The following ADARB1 variants were observed in gnomAD, a reference collection of about 807,000 sequenced individuals.
The protein encoded by ADARB1 is adenosine deaminase RNA specific B1.
In ADARB1, 10 loss-of-function variants were observed where a neutral mutation model predicts 52.4. That is an observed-to-expected ratio of 0.19 (90% confidence interval 0.12 to 0.32). The LOEUF (loss-of-function observed/expected upper bound fraction) is 0.32, where lower values mean the gene tolerates loss of function less well. Ranked by LOEUF, ADARB1 falls within the 10% of genes least tolerant of loss-of-function variation. The probability of loss-of-function intolerance (pLI) is 1.00; values close to 1 mark genes in which losing one functional copy is unlikely to be tolerated. For missense variants in ADARB1, 643 were observed against 922.3 expected, an observed-to-expected ratio of 0.70 and a Z score of 3.92; for synonymous variants, 349 against 371.1, an observed-to-expected ratio of 0.94 and a Z score of 0.68.
rs567152515 is a variant in ADARB1, at chr21:45,220,581, G to C, written c.1748-255G>C. Among the ~76,000 whole-genome samples the C allele has an allele frequency of 6.6e-6, 1 of 152,196 alleles. No homozygotes were observed. Among genetic ancestry groups the C allele is most frequent in the African/African-American group, 2.4e-5 (1 of 41,440 alleles). On this transcript the variant is annotated intron_variant, in intron 9 of 10. Transcript: ENST00000348831. This position sits in a 1 kb window ranked among gnomAD's most constrained non-coding sequence, Gnocchi z 6.3. ...GTTTCTGTCAATCTTCTGCCCACCT[G>C]CCCTGTCAGACAAGTGCATACCCGT...
chr21:45,143,664 TG>T (rs2089855122), intron 2 of ADARB1, among the ~76,000 whole-genome samples: 1 of 152,228 alleles, frequency 6.6e-6, no homozygotes, highest in South Asian at 2.1e-4. Flanking sequence ...CTCTGTTAAC[TG>T]TGCTGCTGTC....
chr21:45,139,011 C>T lies in ADARB1; in HGVS notation c.-48+10438C>T, dbSNP rs1018275313. On this transcript the variant is annotated intron_variant, in intron 2 of 10. Transcript: ENST00000348831. Reference sequence around the variant, plus strand: ...TCTTGGCTCACTGCAAGCTCCGCCTCTCGGGTTCAAGCGATTCACCTGCCA... The same window carrying T: ...TCTTGGCTCACTGCAAGCTCCGCCTTTCGGGTTCAAGCGATTCACCTGCCA... Among the ~76,000 whole-genome samples the T allele has an allele frequency of 2.6e-5, 4 of 151,958 alleles. No individual in the cohort carries two copies. The South Asian group carries it at 8.3e-4, about 32-fold the overall frequency.
intron 2 of ADARB1, among the ~76,000 whole-genome samples, chr21:45,138,637 G>T (rs1202524612): frequency 6.6e-6 from 1 of 152,160 alleles, no homozygotes; most frequent in East Asian, 1.9e-4. Flanking sequence ...GTGTTTTGTG[G>T]CCAGCTTTAG....
At chr21:45,136,728 C>G (rs762720254) in intron 2 of ADARB1, among the ~76,000 whole-genome samples, 1 of 152,254 alleles carries the variant, frequency 6.6e-6, no homozygotes, top group East Asian at 1.9e-4. Context: ...CACCCTGCCG[C>G]TCTCCCCCAG....
intron 2 of ADARB1, among the ~76,000 whole-genome samples, chr21:45,165,995 G>GT (rs2146078092): frequency 6.6e-6 from 1 of 152,196 alleles, no homozygotes; most frequent in African/African-American, 2.4e-5. Context: ...GTCTTAAACA[G>GT]TTTTTAATCT....
intron 2 of ADARB1, among the ~76,000 whole-genome samples, chr21:45,170,310 C>CT (rs1373949973): frequency 6.6e-6 from 1 of 152,224 alleles, no homozygotes; most frequent in East Asian, 1.9e-4. Flanking sequence ...ATATAATCAG[C>CT]TGTTCAGGCA....
chr21:45,212,056 TA>T, intron 9 of ADARB1, among the ~76,000 whole-genome samples: 1 of 110,816 alleles, frequency 9.0e-6, no homozygotes, highest in East Asian at 2.6e-4. Context: ...TGGGATCTTA[TA>T]TTTTTTGTTA....
At chr21:45,187,004 C>G (rs1312078756) in intron 8 of ADARB1, among the ~76,000 whole-genome samples, 1 of 152,130 alleles carries the variant, frequency 6.6e-6, no homozygotes, top group African/African-American at 2.4e-5. Context: ...ATCCTTTTGG[C>G]TATCCAGGGT....
chr21:45,153,932 G>A (rs2090431647), intron 2 of ADARB1, among the ~76,000 whole-genome samples: 1 of 152,158 alleles, frequency 6.6e-6, no homozygotes, highest in African/African-American at 2.4e-5. Flanking sequence ...GCAATAGGGA[G>A]TAAAACAAAG....
At position 45,076,661 on chromosome 21, in the gene ADARB1, C is replaced by T. The variant is rs563439516; in HGVS notation, c.-220+1868C>T. The stretch of plus-strand genomic sequence containing the variant: ...TTAGCTATGAAGTGATAACATCATC[C>T]ACAAAAAACATCTTGGCTCAGAGGC... On this transcript the variant is annotated intron_variant, in intron 1 of 10. Transcript: ENST00000348831. 4.6e-5 allele frequency among the ~76,000 whole-genome samples: 7 copies of T among 152,258 alleles called. No individual in the cohort carries two copies. The South Asian group carries it at 1.5e-3, about 32-fold the overall frequency.
At chr21:45,132,677 C>T (rs1404731876) in intron 2 of ADARB1, among the ~76,000 whole-genome samples, 1 of 152,114 alleles carries the variant, frequency 6.6e-6, no homozygotes, top group African/African-American at 2.4e-5. Flanking sequence ...GTTGGTGGCA[C>T]ATTTTTTTTG....
At chr21:45,163,545 C>T (rs959666303) in intron 2 of ADARB1, among the ~76,000 whole-genome samples, 71 of 152,298 alleles carry the variant, frequency 4.7e-4, no homozygotes, top group African/African-American at 1.7e-3. Context: ...CCCACCTCCA[C>T]CCTGCACCAG....
At chr21:45,117,022 T>G (rs1308088801) in intron 1 of ADARB1, 1 of 152,194 alleles carries the variant, frequency 6.6e-6, no homozygotes, top group Non-Finnish European at 1.5e-5. Context: ...CAGATGACAC[T>G]GGCGCATGGA....
At chr21:45,146,451 A>G (rs944591121) in intron 2 of ADARB1, among the ~76,000 whole-genome samples, 3 of 152,214 alleles carry the variant, frequency 2.0e-5, no homozygotes, top group Non-Finnish European at 2.9e-5. Context: ...TTTCAGCCGG[A>G]CCGGGACTCT....
rs569005234 is a variant in ADARB1 at position 45,210,448 on chromosome 21, TAC to T, written c.1747+5714_1747+5715del. ...TGTGCAGATGACTGTAATGCTACAGTACAGTTACCATTACCTATTGTATCAAT... is the reference window on the plus strand; with the variant it reads ...TGTGCAGATGACTGTAATGCTACAGTAGTTACCATTACCTATTGTATCAAT... On this transcript the variant is annotated intron_variant, in intron 9 of 10. Coordinates refer to ENST00000348831, the MANE Select transcript of ADARB1 (RefSeq NM_001112.4). 3.3e-5 allele frequency among the ~76,000 whole-genome samples: 5 copies of T among 152,322 alleles called. No individual in the cohort carries two copies. The East Asian group carries it at 9.6e-4, about 29-fold the overall frequency.
In ADARB1 at chr21:45,183,382, G is replaced by C. The variant is rs1344432003; in HGVS notation, c.1268G>C (p.Arg423Thr). The change falls in exon 7 of 11, where the codon AGA becomes ACA. Residue 423 changes from arginine to threonine, a missense_variant. Arg to Thr is a moderately conservative substitution (Grantham distance 71). Around this residue, in one of 2 missense-constraint regions of ADARB1, gnomAD observed 263 missense variants for 475.8 expected, o/e 0.55. Coordinates refer to ENST00000348831, the MANE Select transcript of ADARB1 (RefSeq NM_001112.4). The stretch of plus-strand genomic sequence containing the variant: ...TTCAGTAACAAAGATGATCAAAAAA[G>C]ATCCATCTTTCAGAAATCAGAGCGA... ...LYLNNKDDQK[R>T]SIFQKSERGG... is the part of the protein sequence containing the mutation. The C allele has an allele frequency of 6.2e-7, 1 of 1,602,666 alleles. No homozygotes were observed. Among genetic ancestry groups the C allele is most frequent in the Non-Finnish European group, 8.5e-7 (1 of 1,176,846 alleles).
At chr21:45,092,929 T>TA (rs1230593595) in intron 1 of ADARB1, among the ~76,000 whole-genome samples, 13 of 152,040 alleles carry the variant, frequency 8.6e-5, no homozygotes, top group Admixed American at 2.0e-4. Flanking sequence ...GCCCAAGTCT[T>TA]AAAGATGTCA....
At chr21:45,134,910 C>G in intron 2 of ADARB1, 1 of 490,172 alleles carries the variant, frequency 2.0e-6, no homozygotes, top group South Asian at 1.5e-5. Context: ...GGGTGAGTCC[C>G]CTGCTGCCTG....
At chr21:45,097,286 G>A (rs1449548694) in intron 1 of ADARB1, among the ~76,000 whole-genome samples, 1 of 152,140 alleles carries the variant, frequency 6.6e-6, no homozygotes, top group African/African-American at 2.4e-5. Flanking sequence ...ATGAGCTTTG[G>A]GGAAGCCTGG....
Sources: gnomAD v4.1 joint callset for allele counts (sites outside exome capture counted in the v4.1 genomes callset) on GRCh38, gnomAD v4.1.1 for gene constraint, gnomAD v4.1.1 regional missense constraint, Gnocchi (gnomAD v3.1) non-coding constraint, MANE v1.5 for transcripts, NCBI Gene and HGNC (gene_info 2026-07-23, HGNC 2026-07-21) for gene names.